The following RUNX3 variants were observed in gnomAD, a reference collection of about 807,000 sequenced individuals.
The protein encoded by RUNX3 is RUNX family transcription factor 3.
In RUNX3, 10 loss-of-function variants were observed where a neutral mutation model predicts 27.7. The observed-to-expected ratio is 0.36, with a 90% CI of 0.22 to 0.61. The LOEUF (loss-of-function observed/expected upper bound fraction) is 0.61. RUNX3 is among the 20% of genes least tolerant of loss of function. The probability of loss-of-function intolerance (pLI) is 0.72; values close to 1 mark genes in which losing one functional copy is unlikely to be tolerated. For synonymous variants in RUNX3, 270 were observed against 269.2 expected (o/e 1.00, Z -0.03); for missense variants, 469 against 629.5 (o/e 0.75, Z 2.73).
intron 3 of RUNX3, among the ~76,000 whole-genome samples, chr1:24,917,059 T>TGGGC (rs2124276411): frequency 2.0e-5 from 3 of 152,034 alleles, no homozygotes; most frequent in East Asian, 3.9e-4. Context: ...CAGGGCAGAG[T>TGGGC]GGGCGGCTCT....
upstream of RUNX3, among the ~76,000 whole-genome samples, chr1:24,930,584 T>TAGCTCCCTGACGCTGGGGCGC (rs1641205144): frequency 6.6e-6 from 1 of 151,894 alleles, no homozygotes; most frequent in Admixed American, 6.5e-5. This position sits in a 1 kb window ranked among gnomAD's most constrained non-coding sequence, Gnocchi z 4.1. Context: ...TCTCGGGTCG[T>TAGCTCCCTGACGCTGGGGCGC]AGCTCCCTGA....
At position 24,925,198 on chromosome 1, in the gene RUNX3, G is replaced by A. The variant is rs368007244; in HGVS notation, c.439+2376C>T. ...TGTTCTCTCAGGTGGGAATTTCCCAGTCAGCAGGATGGGCACTGCAGATGT... is the reference window on the plus strand; with the variant it reads ...TGTTCTCTCAGGTGGGAATTTCCCAATCAGCAGGATGGGCACTGCAGATGT... On this transcript the variant is annotated intron_variant, in intron 2 of 4. Transcript: ENST00000308873. Among the ~76,000 whole-genome samples, 109 of 152,296 alleles carry A rather than the reference G, an allele frequency of 7.2e-4. 2 individuals are homozygous for A. The South Asian group carries it at 0.022, about 31-fold the overall frequency.
At chr1:24,948,728 T>TG (rs1641679846) in intron 2 of RUNX3, among the ~76,000 whole-genome samples, 1 of 76,288 alleles carries the variant, frequency 1.3e-5, no homozygotes, top group South Asian at 4.0e-4. Context: ...AGGGGTGCAT[T>TG]GGGGGTGCAT....
intron 2 of RUNX3, among the ~76,000 whole-genome samples, chr1:24,941,586 C>CTTGAACCTCAGCAG (rs1641480877): frequency 6.6e-6 from 1 of 152,168 alleles, no homozygotes; most frequent in Non-Finnish European, 1.5e-5. Flanking sequence ...CAGCCTGATC[C>CTTGAACCTCAGCAG]CAGATTGTGT....
chr1:24,929,489 C>T, intron 1 of RUNX3, 98 bp downstream of exon 1: 1 of 1,235,830 alleles, frequency 8.1e-7, no homozygotes, highest in Non-Finnish European at 1.1e-6. Flanking sequence ...GCGTCTCGGG[C>T]ACCTCCCATC....
intron 2 of RUNX3, among the ~76,000 whole-genome samples, chr1:24,951,441 T>C (rs949223400): frequency 6.6e-6 from 1 of 152,168 alleles, no homozygotes; most frequent in Non-Finnish European, 1.5e-5. Flanking sequence ...CTGAGTTTTA[T>C]GAATCTCCCC....
intron 1 of RUNX3, chr1:24,929,020 G>T (rs1641154770): frequency 2.2e-6 from 1 of 456,834 alleles, no homozygotes; most frequent in African/African-American, 2.0e-5. Context: ...AGGGTTAGGG[G>T]TCCCCCAATC....
At position 24,904,915 on chromosome 1, in the gene RUNX3, G is replaced by A. The variant is rs947766512; in HGVS notation, c.704-2249C>T. Among the ~76,000 whole-genome samples, 48 of 152,320 alleles carry A rather than the reference G, an allele frequency of 3.2e-4. No individual in the cohort carries two copies. Among genetic ancestry groups the A allele is most frequent in the African/African-American group, 1.1e-3 (47 of 41,580 alleles). On this transcript the variant is annotated intron_variant, in intron 4 of 4. Transcript: ENST00000308873. This position sits in a 1 kb window ranked among gnomAD's most constrained non-coding sequence, Gnocchi z 5.7. ...AACCCGAGCTGCCCGGGGCACTGTC[G>A]AGTGGCCAATCCCAACAGTGGAAAG...
At chr1:24,928,888 G>C (rs1050769340) in intron 1 of RUNX3, 1 of 373,540 alleles carries the variant, frequency 2.7e-6, no homozygotes, top group African/African-American at 2.1e-5. Context: ...AGCTGTGAGA[G>C]GTTTAGGGGA....
chr1:24,914,668 C>T (rs1372650357), intron 3 of RUNX3, among the ~76,000 whole-genome samples: 2 of 152,256 alleles, frequency 1.3e-5, no homozygotes, highest in East Asian at 1.9e-4. Context: ...GGGCAGACTC[C>T]GCTAGCCCTG....
intron 3 of RUNX3, among the ~76,000 whole-genome samples, chr1:24,913,646 T>A (rs2124268541): frequency 6.6e-6 from 1 of 152,360 alleles, no homozygotes; most frequent in African/African-American, 2.4e-5. Context: ...GGAGCAGGAA[T>A]GCTGGGCCCC....
chr1:24,929,333 G>A (rs1401452043), intron 1 of RUNX3: 1 of 686,630 alleles, frequency 1.5e-6, no homozygotes, highest in East Asian at 2.8e-5. Context: ...CCGCACCAAC[G>A]TCTCTACGCA....
At chr1:24,932,939 T>C (rs1438541812), upstream of RUNX3, among the ~76,000 whole-genome samples, 1 of 152,212 alleles carries the variant, frequency 6.6e-6, no homozygotes, top group African/African-American at 2.4e-5. Flanking sequence ...TCCCCTACCC[T>C]ACCTTGACTT....
chr1:24,964,378 C>T, intron 2 of RUNX3: 1 of 722,082 alleles, frequency 1.4e-6, no homozygotes, highest in Non-Finnish European at 2.4e-6. Flanking sequence ...CCTCTTCCCA[C>T]CTCAGGCTTT....
chr1:24,921,493 G>A (rs768209166), intron 2 of RUNX3, among the ~76,000 whole-genome samples: 3 of 152,082 alleles, frequency 2.0e-5, no homozygotes, highest in African/African-American at 2.4e-5. Flanking sequence ...ACTTGCCCCC[G>A]GAGCCCCAGG....
rs546725260 is a variant in RUNX3, at chr1:24,957,318, G to A, written c.58+7196C>T. 5.9e-5 allele frequency among the ~76,000 whole-genome samples: 9 copies of A among 152,064 alleles called. No homozygotes were observed. The South Asian group carries it at 6.3e-4, about 11-fold the overall frequency. On this transcript the variant is annotated intron_variant, in intron 2 of 6. Transcript: ENST00000338888. ...TGGAAAACTCTCAGGCTGACCAATC[G>A]TCAGCCCATTCATTCGTTCATCCAT...
In RUNX3 at chr1:24,902,614, G is replaced by A; in HGVS notation, c.756C>T (p.Phe252=). 2.6e-6 allele frequency: 4 copies of A among 1,537,130 alleles called. No individual in the cohort carries two copies. Among genetic ancestry groups the A allele is most frequent in the Non-Finnish European group, 3.5e-6 (4 of 1,138,718 alleles). ...TCTCCGTGAGGGTTGGCAGCGTGGG[G>A]AAGGAGCGGTCAAACTGGCGGGGGT... The part of the protein sequence containing the change: ...FSDPRQFDRS[F]PTLPTLTESR... Residue 252 remains phenylalanine, a synonymous_variant, in exon 5 of 5, where the codon TTC becomes TTT. Transcript: ENST00000308873. The surrounding 1 kb of genome is among the most constrained non-coding windows in gnomAD (Gnocchi z 9.2).
chr1:24,903,484 C>T (rs1292852742), intron 4 of RUNX3, among the ~76,000 whole-genome samples: 3 of 152,210 alleles, frequency 2.0e-5, no homozygotes, highest in Non-Finnish European at 4.4e-5. Flanking sequence ...CCAGACTCTG[C>T]CCCTGCTCCC....
Position 24,927,811 on chromosome 1 carries a change from G to C in RUNX3, c.283-81C>G. The C allele has an allele frequency of 1.6e-6, 2 of 1,275,832 alleles. No individual in the cohort carries two copies. The highest frequency in any genetic ancestry group is 2.3e-6 in the Non-Finnish European group (2 of 877,520). The allele number at this position is 1,275,832 out of a possible 1,614,324, so 79.0% of individuals were successfully genotyped here. On this transcript the variant is annotated intron_variant, in intron 1 of 4. Coordinates refer to ENST00000308873, the MANE Select transcript of RUNX3 (RefSeq NM_004350.3). The surrounding 1 kb of genome is among the most constrained non-coding windows in gnomAD (Gnocchi z 5.0). Reference sequence around the variant, plus strand: ...CCAGGGAAAGGAGGGGAGGGGCTGGGCTGGGCAGCTCCCCCAGGTCCCAGG... The same window carrying C: ...CCAGGGAAAGGAGGGGAGGGGCTGGCCTGGGCAGCTCCCCCAGGTCCCAGG...
Sources: gnomAD v4.1 joint callset for allele counts (sites outside exome capture counted in the v4.1 genomes callset) on GRCh38, gnomAD v4.1.1 for gene constraint, Gnocchi (gnomAD v3.1) non-coding constraint, MANE v1.5 for transcripts, NCBI Gene and HGNC (gene_info 2026-07-23, HGNC 2026-07-21) for gene names.